CDKAL1: variants seen among roughly 807,000 people sequenced by gnomAD.
CDKAL1 encodes the protein threonylcarbamoyladenosine tRNA methylthiotransferase.
A neutral mutation model predicts 68.2 loss-of-function variants in CDKAL1; 32 were observed. That is an observed-to-expected ratio of 0.47 (90% confidence interval 0.35 to 0.63). The LOEUF is 0.63. Among genes scored for constraint, CDKAL1 ranks in the 30% least tolerant of loss-of-function variants. The pLI is 0.00. For synonymous variants in CDKAL1, 234 were observed against 244.3 expected, an observed-to-expected ratio of 0.96 and a Z score of 0.39; for missense variants, 606 against 696.7, an observed-to-expected ratio of 0.87 and a Z score of 1.47.
At chr6:21,054,394 C>T (rs960788365) in intron 11 of CDKAL1, among the ~76,000 whole-genome samples, 6 of 147,286 alleles carry the variant, frequency 4.1e-5, no homozygotes, top group Non-Finnish European at 9.1e-5. Context: ...TCATTTATTC[C>T]ACCAGCTTTT....
intron 4 of CDKAL1, among the ~76,000 whole-genome samples, chr6:20,586,986 T>G (rs1431915544): frequency 1.4e-5 from 2 of 138,156 alleles, no homozygotes; most frequent in African/African-American, 5.4e-5. Flanking sequence ...GTGTTTTTTT[T>G]TTTTTTTTTT....
intron 11 of CDKAL1, among the ~76,000 whole-genome samples, chr6:21,007,482 CAAAAAAA>C (rs147527333): frequency 4.7e-5 from 4 of 84,546 alleles, no homozygotes; most frequent in Middle Eastern, 8.3e-3. Flanking sequence ...GACCCTGTCT[CAAAAAAA>C]AAAAAAAAAA....
chr6:20,881,630 A>G (rs886585852), intron 9 of CDKAL1, among the ~76,000 whole-genome samples: 3 of 152,144 alleles, frequency 2.0e-5, no homozygotes, highest in African/African-American at 2.4e-5. Flanking sequence ...GTAAGCAACC[A>G]TATTATTTCT....
chr6:20,613,559 G>A (rs1766746783), intron 4 of CDKAL1, among the ~76,000 whole-genome samples: 1 of 150,598 alleles, frequency 6.6e-6, no homozygotes, highest in Non-Finnish European at 1.5e-5. Context: ...ACATGTGTGA[G>A]CCACCATGCC....
At chr6:20,739,035 C>G (rs1261472156) in intron 5 of CDKAL1, among the ~76,000 whole-genome samples, 2 of 152,130 alleles carry the variant, frequency 1.3e-5, no homozygotes, top group Non-Finnish European at 2.9e-5. Flanking sequence ...GGGGGAATTA[C>G]TAGCACGTAG....
chr6:21,004,023 A>G (rs1227102385), intron 11 of CDKAL1, among the ~76,000 whole-genome samples: 1 of 152,098 alleles, frequency 6.6e-6, no homozygotes, highest in African/African-American at 2.4e-5. Context: ...TTTCTCCAGC[A>G]GTGTGAGGCT....
Position 20,818,559 on chromosome 6 carries a change from G to A in CDKAL1, c.639-27516G>A, listed in dbSNP as rs988727662. 3.3e-5 allele frequency among the ~76,000 whole-genome samples: 5 copies of A among 151,982 alleles called. No homozygotes were observed. The East Asian group carries it at 9.7e-4, about 29-fold the overall frequency. On this transcript the variant is annotated intron_variant, in intron 8 of 15. Transcript: ENST00000274695. Reference sequence around the variant, plus strand: ...CCTAAAAAATATAGTTCTATATTATGACCATTGAAAATAATGAAGTGTGGT... The same window carrying A: ...CCTAAAAAATATAGTTCTATATTATAACCATTGAAAATAATGAAGTGTGGT...
intron 10 of CDKAL1, among the ~76,000 whole-genome samples, chr6:20,988,900 C>T (rs1326854019): frequency 6.6e-6 from 1 of 151,064 alleles, no homozygotes; most frequent in East Asian, 2.0e-4. Flanking sequence ...CCTCATGATC[C>T]ATCTGCCTCG....
At chr6:21,107,587 C>T (rs1342389378) in intron 12 of CDKAL1, among the ~76,000 whole-genome samples, 3 of 152,012 alleles carry the variant, frequency 2.0e-5, no homozygotes, top group Non-Finnish European at 1.5e-5. Flanking sequence ...ACCACCACAC[C>T]CAGCTAATTT....
chr6:21,184,195 C>CT (rs1562098807), intron 13 of CDKAL1, among the ~76,000 whole-genome samples: 2 of 99,342 alleles, frequency 2.0e-5, no homozygotes, highest in Admixed American at 1.0e-4. Context: ...ATTTCTTTGA[C>CT]CTTTTTTTTT....
At chr6:20,903,455 C>T (rs1333098192) in intron 9 of CDKAL1, among the ~76,000 whole-genome samples, 7 of 152,250 alleles carry the variant, frequency 4.6e-5, no homozygotes, top group South Asian at 2.1e-4. Context: ...TCAGCGATCT[C>T]GATGTTCCCT....
intron 7 of CDKAL1, among the ~76,000 whole-genome samples, chr6:20,780,823 G>A (rs763480013): frequency 1.3e-5 from 2 of 151,812 alleles, no homozygotes; most frequent in South Asian, 2.1e-4. Context: ...ACAGGCGCCC[G>A]CCACCACACC....
chr6:20,883,779 A>G (rs1380318072), intron 9 of CDKAL1, among the ~76,000 whole-genome samples: 1 of 152,202 alleles, frequency 6.6e-6, no homozygotes, highest in African/African-American at 2.4e-5. Context: ...CTTTTTCTGT[A>G]TATTTAAAAT....
chr6:20,861,764 T>C (rs1438566965), intron 9 of CDKAL1, among the ~76,000 whole-genome samples: 1 of 152,224 alleles, frequency 6.6e-6, no homozygotes, highest in Non-Finnish European at 1.5e-5. Context: ...GGGATGTTGC[T>C]GGAGCCCTGA....
At chr6:20,759,056 T>G (rs1319849012) in intron 7 of CDKAL1, among the ~76,000 whole-genome samples, 1 of 152,066 alleles carries the variant, frequency 6.6e-6, no homozygotes, top group Non-Finnish European at 1.5e-5. Context: ...GGAGGATCAT[T>G]TGGGTCCAGG....
intron 5 of CDKAL1, among the ~76,000 whole-genome samples, chr6:20,660,124 C>T (rs1367010573): frequency 6.6e-6 from 1 of 152,136 alleles, no homozygotes; most frequent in Non-Finnish European, 1.5e-5. Context: ...GGGTCATCGC[C>T]CTTCTAAGCT....
chr6:20,638,623 T>C (rs1224516525), intron 4 of CDKAL1, among the ~76,000 whole-genome samples: 4 of 151,694 alleles, frequency 2.6e-5, no homozygotes, highest in Admixed American at 6.6e-5. Context: ...TTCTTTTTTT[T>C]TTTTTTTGAG....
At chr6:20,918,367 CTGTTT>C (rs575930316) in intron 9 of CDKAL1, among the ~76,000 whole-genome samples, 106 of 152,284 alleles carry the variant, frequency 7.0e-4, no homozygotes, top group African/African-American at 2.4e-3. Context: ...CAAACTTTAC[CTGTTT>C]TAAGACATAG....
intron 9 of CDKAL1, among the ~76,000 whole-genome samples, chr6:20,940,391 T>C (rs1763912256): frequency 6.6e-6 from 1 of 152,200 alleles, no homozygotes; most frequent in South Asian, 2.1e-4. Context: ...GGCAGTTCTA[T>C]ACCTTATAAC....
Sources: allele counts gnomAD v4.1 joint callset (sites outside exome capture counted in the v4.1 genomes callset), GRCh38; gene constraint gnomAD v4.1.1; transcripts MANE v1.5; gene names NCBI Gene and HGNC (gene_info 2026-07-23, HGNC 2026-07-21).